CDH20: variants seen among roughly 807,000 people sequenced by gnomAD.
CDH20 encodes cadherin-20.
A neutral mutation model predicts 74.2 loss-of-function variants in CDH20; 29 were observed. The ratio of observed to expected loss-of-function variants is 0.39; its 90% CI spans 0.29 to 0.53. The LOEUF is 0.53. Among genes scored for constraint, CDH20 ranks in the 20% least tolerant of loss-of-function variants. CDH20 has a pLI of 0.69. For synonymous variants in CDH20, 469 were observed against 405.4 expected (o/e 1.16, Z -1.88); for missense variants, 988 against 1,048.3 (o/e 0.94, Z 0.79).
chr18:61,464,128 A>G (rs2144364089), intron 1 of CDH20, among the ~76,000 whole-genome samples: 1 of 152,304 alleles, frequency 6.6e-6, no homozygotes, highest in South Asian at 2.1e-4. Flanking sequence ...GCACAGTAAG[A>G]AGTGTGTGCA....
chr18:61,515,043 T>C (rs1282035953), intron 6 of CDH20, among the ~76,000 whole-genome samples: 4 of 152,042 alleles, frequency 2.6e-5, no homozygotes, highest in African/African-American at 4.8e-5. Context: ...TCGAGCTTCC[T>C]GGCTGCTTTG....
At chr18:61,545,634 G>A (rs1913222141) in intron 10 of CDH20, among the ~76,000 whole-genome samples, 1 of 151,678 alleles carries the variant, frequency 6.6e-6, no homozygotes, top group African/African-American at 2.4e-5. Context: ...AAGTGATCTA[G>A]GATAAAAAAT....
At chr18:61,435,673 A>AAT (rs1254851595) in intron 1 of CDH20, among the ~76,000 whole-genome samples, 8 of 151,052 alleles carry the variant, frequency 5.3e-5, no homozygotes, top group East Asian at 1.9e-4. Flanking sequence ...AGTTTTTAAA[A>AAT]ATATATATAT....
chr18:61,342,068 G>C (rs1909968713), intron 1 of CDH20, among the ~76,000 whole-genome samples: 1 of 152,154 alleles, frequency 6.6e-6, no homozygotes, highest in Admixed American at 6.5e-5. Flanking sequence ...GATATTATTT[G>C]ACTCATGGAG....
rs1453066217 is a variant in CDH20 at position 61,539,039 on chromosome 18, T to A, written c.1424T>A (p.Val475Asp). The A allele has an allele frequency of 6.2e-7, 1 of 1,614,078 alleles. No homozygotes were observed. The highest frequency in any genetic ancestry group is 8.5e-7 in the Non-Finnish European group (1 of 1,179,996). Residue 475 changes from valine to aspartate, a missense_variant, in exon 9 of 12, where the codon GTT becomes GAT. By Grantham distance (152) the Val-to-Asp change is radical. Around this residue, in one of 2 missense-constraint regions of CDH20, gnomAD observed 613 missense variants for 755.2 expected, o/e 0.81. Coordinates refer to ENST00000262717, the MANE Select transcript of CDH20 (RefSeq NM_031891.4). ...LAMEMNNPSQ[V>D]GSVPVTIKVL... The stretch of plus-strand genomic sequence containing the variant: ...TTCCCTTTAGACAATCCCTCCCAGG[T>A]TGGAAGTGTTCCTGTCACAATCAAA...
At position 61,511,738 on chromosome 18, in the gene CDH20, C is replaced by T. The variant is rs571703229; in HGVS notation, c.1017+4178C>T. ...AAATCTCAAAATGTGTTTTCTTCAG[C>T]TCCCTTACCTGCAGAAAAGATGAAG... On this transcript the variant is annotated intron_variant, in intron 6 of 11. Coordinates refer to ENST00000262717, the MANE Select transcript of CDH20 (RefSeq NM_031891.4). Among the ~76,000 whole-genome samples, 3 of 152,338 alleles carry T rather than the reference C, an allele frequency of 2.0e-5. No homozygotes were observed. In the East Asian group the frequency reaches 5.8e-4, roughly 29 times the overall value.
chr18:61,441,840 C>G (rs1305604194), intron 1 of CDH20, among the ~76,000 whole-genome samples: 1 of 152,114 alleles, frequency 6.6e-6, no homozygotes, highest in Non-Finnish European at 1.5e-5. Flanking sequence ...CTGTACACAA[C>G]TCCACATTCT....
At chr18:61,349,954 G>C (rs1910252159) in intron 1 of CDH20, among the ~76,000 whole-genome samples, 1 of 152,168 alleles carries the variant, frequency 6.6e-6, no homozygotes, top group Admixed American at 6.5e-5. Flanking sequence ...TAATGTATTT[G>C]TTACATTTAC....
chr18:61,496,897 G>A (rs1280036127), intron 2 of CDH20, among the ~76,000 whole-genome samples: 1 of 152,012 alleles, frequency 6.6e-6, no homozygotes, highest in African/African-American at 2.4e-5. Context: ...ACGTATACAT[G>A]TTTTTAATTT....
intron 1 of CDH20, among the ~76,000 whole-genome samples, chr18:61,443,351 T>C (rs569683218): frequency 3.3e-5 from 5 of 152,146 alleles, no homozygotes; most frequent in Non-Finnish European, 7.4e-5. Context: ...TGTAGGAATA[T>C]GGAATCTCTA....
At chr18:61,538,588 G>GTTTTT (rs1265851069) in intron 8 of CDH20, among the ~76,000 whole-genome samples, 5 of 55,124 alleles carry the variant, frequency 9.1e-5, no homozygotes, top group African/African-American at 1.5e-4. Context: ...CTTTTTGTTT[G>GTTTTT]TTTGTTTGTT....
rs1403813064 is a variant in CDH20 at position 61,490,388 on chromosome 18, CCTTAA to C, written c.-152-10_-152-6del. 1.2e-5 allele frequency: 8 copies of C among 665,042 alleles called. No individual in the cohort carries two copies. In the East Asian group the frequency reaches 1.4e-4, roughly 11 times the overall value. 41.2% of individuals were successfully genotyped at this position (665,042 alleles called of 1,614,324 possible). A position where few individuals can be genotyped will look rare whatever the true frequency, so the allele number is the denominator to read the frequency against. ...ATCTGACATCATCACACTGTGTTTTCCTTAACTTGACAGGAAGTCAACTTCAAGCA... is the reference window on the plus strand; with the variant it reads ...ATCTGACATCATCACACTGTGTTTTCCTTGACAGGAAGTCAACTTCAAGCA... On this transcript the variant is annotated splice_polypyrimidine_tract_variant and intron_variant, in intron 1 of 11. Coordinates refer to ENST00000262717, the MANE Select transcript of CDH20 (RefSeq NM_031891.4).
Position 61,538,608 on chromosome 18 carries a change from G to GTTTTTTTT in CDH20, c.1409-411_1409-410insTTTTTTTT, listed in dbSNP as rs1449356386. On this transcript the variant is annotated intron_variant, in intron 8 of 11. Coordinates refer to ENST00000262717, the MANE Select transcript of CDH20 (RefSeq NM_031891.4). ...TGTTTGTTTGTTTGTTTTTGTTTTT[G>GTTTTTTTT]TTTTTGTTTTTGTTTTGTTTTTTTT... 1.6e-3 allele frequency among the ~76,000 whole-genome samples: 59 copies of GTTTTTTTT among 36,316 alleles called. 6 individuals are homozygous for GTTTTTTTT. The highest frequency in any genetic ancestry group is 3.4e-3 in the South Asian group (2 of 586). 23.8% of individuals were successfully genotyped at this position (36,316 alleles called of 152,430 possible). A position where few individuals can be genotyped will look rare whatever the true frequency, so the allele number is the denominator to read the frequency against.
At position 61,555,120 on chromosome 18, in the gene CDH20, A is replaced by G. The variant is rs895546438; in HGVS notation, c.*425A>G. 1 of 1,001,870 alleles carries G rather than the reference A, an allele frequency of 1.0e-6. No individual in the cohort carries two copies. Among genetic ancestry groups the G allele is most frequent in the African/African-American group, 1.7e-5 (1 of 57,850 alleles). 62.1% of individuals were successfully genotyped at this position (1,001,870 alleles called of 1,614,324 possible). A position where few individuals can be genotyped will look rare whatever the true frequency, so the allele number is the denominator to read the frequency against. On this transcript the variant is annotated 3_prime_UTR_variant, in exon 12 of 12. Coordinates refer to ENST00000262717, the MANE Select transcript of CDH20 (RefSeq NM_031891.4). ...TGTTTTTTATCTTATCTTATTCTCC[A>G]TTTAAGAGTTTTGCTGGCTCAAACC...
intron 6 of CDH20, among the ~76,000 whole-genome samples, chr18:61,515,893 C>T (rs1399439406): frequency 2.7e-5 from 4 of 150,046 alleles, no homozygotes; most frequent in African/African-American, 9.8e-5. Flanking sequence ...CTAACCTGCA[C>T]AATGTGCACA....
At chr18:61,356,038 G>T (rs945991928) in intron 1 of CDH20, among the ~76,000 whole-genome samples, 1 of 152,242 alleles carries the variant, frequency 6.6e-6, no homozygotes, top group Non-Finnish European at 1.5e-5. Flanking sequence ...TGGCCCTCAG[G>T]GTGGGCTGGG....
chr18:61,498,618 G>A lies in CDH20; in HGVS notation c.247-568G>A, dbSNP rs191948693. 4.6e-5 allele frequency among the ~76,000 whole-genome samples: 7 copies of A among 152,196 alleles called. No homozygotes were observed. In the East Asian group the frequency reaches 7.7e-4, roughly 17 times the overall value. On this transcript the variant is annotated intron_variant, in intron 2 of 11. Coordinates refer to ENST00000262717, the MANE Select transcript of CDH20 (RefSeq NM_031891.4). ...CCTGAAACACAAGCCCAGTCCTACC[G>A]AATGAAACTACAGAACTAGGATCAC... is the stretch of plus-strand genomic sequence containing the variant.
chr18:61,485,650 T>C (rs1001780288), intron 1 of CDH20, among the ~76,000 whole-genome samples: 1 of 152,224 alleles, frequency 6.6e-6, no homozygotes, highest in African/African-American at 2.4e-5. Flanking sequence ...AGAGCCTTTA[T>C]GGAGATCTTA....
chr18:61,461,443 G>A lies in CDH20; in HGVS notation c.-152-28959G>A, dbSNP rs189235910. On this transcript the variant is annotated intron_variant, in intron 1 of 11. Transcript: ENST00000262717. ...CTCCACAGCCACTAGGGGAGGAGCT[G>A]CCTTGGCTCCTCCGGCTTCTCATGG... 3.3e-3 allele frequency among the ~76,000 whole-genome samples: 509 copies of A among 152,108 alleles called. 17 individuals are homozygous for A. The highest frequency in any genetic ancestry group is 0.032 in the Admixed American group (482 of 15,278).
Sources: gnomAD v4.1 joint callset for allele counts (sites outside exome capture counted in the v4.1 genomes callset) on GRCh38, gnomAD v4.1.1 for gene constraint, gnomAD v4.1.1 regional missense constraint, MANE v1.5 for transcripts, NCBI Gene and HGNC (gene_info 2026-07-23, HGNC 2026-07-21) for gene names.